Variants in REPS2 observed in about 807,000 individuals in gnomAD.
The protein encoded by REPS2 is ralBP1-associated Eps domain-containing protein 2.
In REPS2, 23 loss-of-function variants were observed where a neutral mutation model predicts 53.6. The observed-to-expected ratio is 0.43, with a 90% CI of 0.31 to 0.61. The LOEUF is 0.61. Among genes scored for constraint, REPS2 ranks in the 20% least tolerant of loss-of-function variants. The pLI is 0.11. For missense variants in REPS2, 446 were observed against 534.9 expected, an observed-to-expected ratio of 0.83 and a Z score of 1.64; for synonymous variants, 238 against 218.6, an observed-to-expected ratio of 1.09 and a Z score of -0.78.
At chrX:17,001,746 C>CT (rs2061309961) in intron 1 of REPS2, among the ~76,000 whole-genome samples, 2 of 112,003 alleles carry the variant, frequency 1.8e-5, no homozygotes, top group Admixed American at 1.9e-4. Flanking sequence ...TTTAATTGGA[C>CT]TTACAGTTCC....
chrX:17,151,404 G>A lies in REPS2; in HGVS notation c.*3923G>A, dbSNP rs1435177810. 2.7e-5 allele frequency: 3 copies of A among 112,628 alleles called. No homozygotes were observed. The highest frequency in any genetic ancestry group is 9.7e-5 in the African/African-American group (3 of 30,949). 9.3% of individuals were successfully genotyped at this position (112,628 alleles called of 1,213,427 possible). On this transcript the variant is annotated 3_prime_UTR_variant, in exon 18 of 18. Coordinates refer to ENST00000357277, the MANE Select transcript of REPS2 (RefSeq NM_004726.3). ...TCTCACAGCCATGGTAATAATAGATGTGTACTCAGAAGATCAATAAGGTAA... is the reference window on the plus strand; with the variant it reads ...TCTCACAGCCATGGTAATAATAGATATGTACTCAGAAGATCAATAAGGTAA...
the REPS2 span, among the ~76,000 whole-genome samples, chrX:17,173,436 C>T: frequency 8.9e-6 from 1 of 112,445 alleles, no homozygotes; most frequent in African/African-American, 3.2e-5. Context: ...GTAGGCAGTT[C>T]ATAACATGGT....
chrX:16,962,669 C>G (rs1423004759), intron 1 of REPS2, among the ~76,000 whole-genome samples: 1 of 111,866 alleles, frequency 8.9e-6, no homozygotes, highest in African/African-American at 3.3e-5. Context: ...GCTCTTACCT[C>G]TTCTCCCCAC....
chrX:17,050,415 A>G (rs1429963011), intron 6 of REPS2, among the ~76,000 whole-genome samples: 1 of 106,304 alleles, frequency 9.4e-6, no homozygotes, highest in East Asian at 3.0e-4. Flanking sequence ...TTCTATATTT[A>G]GTTGTGTTTA....
chrX:17,166,182 G>A, the REPS2 span, among the ~76,000 whole-genome samples: 1 of 111,143 alleles, frequency 9.0e-6, no homozygotes, highest in Non-Finnish European at 1.9e-5. Context: ...GAAGAGAGGT[G>A]GAAGAGGTGT....
chrX:17,062,349 T>C (rs1029534754), intron 8 of REPS2, 89 bp from the exon 9 acceptor site: 26 of 661,780 alleles, frequency 3.9e-5, no homozygotes, highest in Middle Eastern at 3.9e-4. Flanking sequence ...TTTGTTGTTA[T>C]ATTTAACAAG....
chrX:17,017,750 A>G (rs2061517370), intron 2 of REPS2, among the ~76,000 whole-genome samples: 1 of 112,078 alleles, frequency 8.9e-6, no homozygotes, highest in Non-Finnish European at 1.9e-5. Flanking sequence ...TCACATTCCC[A>G]TGTAGCAACT....
In REPS2 at chrX:17,004,025, C is replaced by T. The variant is rs781591759; in HGVS notation, c.274-2196C>T. On this transcript the variant is annotated intron_variant, in intron 1 of 17. Coordinates refer to ENST00000357277, the MANE Select transcript of REPS2 (RefSeq NM_004726.3). Reference sequence around the variant, plus strand: ...TTTAATCTATTTCTTTTTTTCATCTCTTGCCTTCCACCTGAGAAAACACTA... The same window carrying T: ...TTTAATCTATTTCTTTTTTTCATCTTTTGCCTTCCACCTGAGAAAACACTA... Among the ~76,000 whole-genome samples, 9 of 111,499 alleles carry T rather than the reference C, an allele frequency of 8.1e-5. No homozygotes were observed. The East Asian group carries it at 2.2e-3, about 28-fold the overall frequency.
intron 14 of REPS2, among the ~76,000 whole-genome samples, chrX:17,113,091 CAAAAAAAAAAAAAAAAAAA>C (rs10567369): frequency 7.4e-5 from 1 of 13,560 alleles, no homozygotes; most frequent in East Asian, 3.2e-3. Flanking sequence ...GACTCTGTCT[CAAAAAAAAAAAAAAAAAAA>C]AAAAAAGAAA....
intron 17 of REPS2, among the ~76,000 whole-genome samples, chrX:17,140,735 ATATTATTATTATTATTATTATTAT>A (rs199967140): frequency 4.6e-4 from 41 of 89,655 alleles, no homozygotes; most frequent in African/African-American, 8.2e-4. Flanking sequence ...GCATGCACAA[ATATTATTATTATTATTATTATTAT>A]TATTATTATT....
intron 13 of REPS2, among the ~76,000 whole-genome samples, chrX:17,087,464 A>C (rs894536560): frequency 1.4e-4 from 16 of 112,030 alleles, no homozygotes; most frequent in Admixed American, 2.8e-4. Context: ...AGGAGTTTGT[A>C]GACGGTGTCT....
intron 5 of REPS2, among the ~76,000 whole-genome samples, chrX:17,041,399 CT>C (rs1243692228): frequency 1.8e-5 from 2 of 111,588 alleles, no homozygotes; most frequent in Admixed American, 9.5e-5. Context: ...GCTTCTGTGA[CT>C]TTTTTTTCTC....
chrX:17,172,188 G>C, the REPS2 span, among the ~76,000 whole-genome samples: 90 of 112,031 alleles, frequency 8.0e-4, no homozygotes, highest in African/African-American at 2.9e-3. Context: ...AATTTGTGCT[G>C]TTAGCTCTGT....
intron 17 of REPS2, among the ~76,000 whole-genome samples, chrX:17,146,286 A>T (rs948338139): frequency 9.3e-4 from 102 of 110,090 alleles, no homozygotes; most frequent in Non-Finnish European, 2.8e-4. Flanking sequence ...CTTTTTGTTC[A>T]TCAAATTCAC....
At chrX:17,027,063 G>A (rs2061654556) in intron 4 of REPS2, among the ~76,000 whole-genome samples, 1 of 111,909 alleles carries the variant, frequency 8.9e-6, no homozygotes. Flanking sequence ...CAAAGTACTG[G>A]GATTACAGGT....
intron 2 of REPS2, among the ~76,000 whole-genome samples, chrX:17,018,153 C>T (rs1465273985): frequency 2.7e-5 from 3 of 109,662 alleles, no homozygotes; most frequent in African/African-American, 1.0e-4. Flanking sequence ...AAAATGGAAA[C>T]TCTGTATTCA....
rs1364165479 is a variant in REPS2, at chrX:16,965,586, C to T, written c.273+18452C>T. On this transcript the variant is annotated intron_variant, in intron 1 of 17. Transcript: ENST00000357277. ...GCAGAGACGCTCCTCACATCCCAGA[C>T]GGGGTGGCAGGGCAGAGGTGCTCCC... is the stretch of plus-strand genomic sequence containing the variant. Among the ~76,000 whole-genome samples, 5 of 109,478 alleles carry T rather than the reference C, an allele frequency of 4.6e-5. No homozygotes were observed. The East Asian group carries it at 8.9e-4, about 20-fold the overall frequency.
chrX:16,980,748 A>G (rs1310260902), intron 1 of REPS2, among the ~76,000 whole-genome samples: 1 of 112,458 alleles, frequency 8.9e-6, no homozygotes, highest in Non-Finnish European at 1.9e-5. Flanking sequence ...TTAAAAATAT[A>G]ATTCCTAAAA....
intron 1 of REPS2, among the ~76,000 whole-genome samples, chrX:16,969,645 A>G (rs2060854281): frequency 9.0e-6 from 1 of 111,041 alleles, no homozygotes; most frequent in African/African-American, 3.3e-5. Context: ...AGAATCAGGC[A>G]GGGAGGTTGC....
Sources: allele counts gnomAD v4.1 joint callset (sites outside exome capture counted in the v4.1 genomes callset), GRCh38; gene constraint gnomAD v4.1.1; transcripts MANE v1.5; gene names NCBI Gene and HGNC (gene_info 2026-07-23, HGNC 2026-07-21).